ALPK1: variants seen among roughly 807,000 people sequenced by gnomAD.
ALPK1 encodes alpha kinase 1.
Under a neutral mutation model 120.6 loss-of-function variants are expected in ALPK1, and 110 were observed. That is an observed-to-expected ratio of 0.91 (90% CI 0.78 to 1.07). The LOEUF is 1.07. ALPK1 is among the 50% of genes least tolerant of loss of function. ALPK1 has a pLI of 0.00. For missense variants in ALPK1, 1,498 were observed against 1,483.9 expected, an observed-to-expected ratio of 1.01 and a Z score of -0.16; for synonymous variants, 582 against 560.3, an observed-to-expected ratio of 1.04 and a Z score of -0.55.
intron 3 of ALPK1, 33 bp from the exon 4 acceptor site, chr4:112,382,365 G>T: frequency 6.4e-7 from 1 of 1,565,876 alleles, no homozygotes; most frequent in East Asian, 2.4e-5. Flanking sequence ...TTCTTTGACT[G>T]CAATTTCCTT....
At chr4:112,328,002 A>G (rs942550756) in intron 2 of ALPK1, among the ~76,000 whole-genome samples, 3 of 152,228 alleles carry the variant, frequency 2.0e-5, no homozygotes, top group African/African-American at 4.8e-5. Context: ...GAATTCTCAT[A>G]TACAATCTTC....
chr4:112,383,371 G>A (rs1298566056), intron 4 of ALPK1: 1 of 151,610 alleles, frequency 6.6e-6, no homozygotes, highest in Admixed American at 6.6e-5. Flanking sequence ...TTACTTTATT[G>A]CTTTACGTAA....
intron 2 of ALPK1, among the ~76,000 whole-genome samples, chr4:112,374,050 CAT>C (rs1410833213): frequency 3.9e-5 from 6 of 152,210 alleles, no homozygotes; most frequent in Non-Finnish European, 8.8e-5. Context: ...AAGTTTGCTA[CAT>C]GGATTGAGTC....
At chr4:112,370,597 T>C (rs1318201045) in intron 2 of ALPK1, among the ~76,000 whole-genome samples, 1 of 152,204 alleles carries the variant, frequency 6.6e-6, no homozygotes, top group Non-Finnish European at 1.5e-5. Context: ...TTGACCAAAA[T>C]TTCCAGCAGG....
intron 4 of ALPK1, among the ~76,000 whole-genome samples, chr4:112,401,109 G>A (rs138746526): frequency 1.3e-5 from 2 of 152,292 alleles, no homozygotes; most frequent in African/African-American, 4.8e-5. Context: ...TGGGCGTCTG[G>A]ACTTTTGAAA....
At chr4:112,300,538 G>A (rs983399642) in intron 1 of ALPK1, among the ~76,000 whole-genome samples, 1 of 151,972 alleles carries the variant, frequency 6.6e-6, no homozygotes, top group Non-Finnish European at 1.5e-5. Flanking sequence ...AAAGAAGAGA[G>A]GACGGAGTCT....
intron 1 of ALPK1, among the ~76,000 whole-genome samples, chr4:112,306,392 G>A (rs1406957991): frequency 2.0e-5 from 3 of 152,030 alleles, no homozygotes; most frequent in African/African-American, 7.3e-5. Flanking sequence ...ACTCTTTTTG[G>A]TTGGTAAGCT....
intron 4 of ALPK1, chr4:112,383,762 C>G (rs1732026117): frequency 6.6e-6 from 1 of 152,096 alleles, no homozygotes; most frequent in Admixed American, 6.5e-5. Flanking sequence ...AAAGGAGTTG[C>G]CCCCAGTAAA....
chr4:112,368,014 G>A (rs1225295625), intron 2 of ALPK1, among the ~76,000 whole-genome samples: 1 of 152,088 alleles, frequency 6.6e-6, no homozygotes, highest in Non-Finnish European at 1.5e-5. Flanking sequence ...TGATTCTCCT[G>A]CCTCAGCCTC....
chr4:112,373,953 T>G (rs1183991684), intron 2 of ALPK1, among the ~76,000 whole-genome samples: 1 of 152,210 alleles, frequency 6.6e-6, no homozygotes, highest in Non-Finnish European at 1.5e-5. Context: ...GGGTCTTGCT[T>G]CAATGTTGAT....
At chr4:112,385,070 C>T (rs765403553) in intron 4 of ALPK1, among the ~76,000 whole-genome samples, 2 of 152,124 alleles carry the variant, frequency 1.3e-5, no homozygotes, top group South Asian at 4.2e-4. Context: ...TGAACATAGG[C>T]TGAGTGATGT....
At chr4:112,434,546 G>A (rs184702370) in intron 11 of ALPK1, among the ~76,000 whole-genome samples, 1 of 152,184 alleles carries the variant, frequency 6.6e-6, no homozygotes, top group Non-Finnish European at 1.5e-5. Flanking sequence ...GCTTAGCACT[G>A]TTCTTCCTTT....
chr4:112,430,591 A>C lies in ALPK1; in HGVS notation c.1044A>C (p.Lys348Asn), dbSNP rs754047334. ...GAGATGATGAGCCTGTTACTGGAAAACAGGAGCTTCACAGCTTTGTCAAAG... is the reference window on the plus strand; with the variant it reads ...GAGATGATGAGCCTGTTACTGGAAACCAGGAGCTTCACAGCTTTGTCAAAG... ...TKRDDEPVTG[K>N]QELHSFVKAA... Residue 348 changes from lysine to asparagine, a missense_variant, in exon 11 of 16, where the codon AAA becomes AAC. By Grantham distance (94) the Lys-to-Asn change is moderately conservative. Transcript: ENST00000650871. The C allele has an allele frequency of 2.2e-5, 35 of 1,614,026 alleles. No individual in the cohort carries two copies. The highest frequency in any genetic ancestry group is 3.0e-5 in the Non-Finnish European group (35 of 1,180,034).
intron 7 of ALPK1, chr4:112,426,010 T>G (rs780592514): frequency 3.8e-5 from 12 of 318,076 alleles, no homozygotes; most frequent in South Asian, 1.7e-4. Context: ...CCCAGTGTTA[T>G]TTCTAGCATC....
Position 112,435,247 on chromosome 4 carries a change from G to A in ALPK1, c.3134G>A (p.Arg1045Lys). 1 of 1,613,600 alleles carries A rather than the reference G, an allele frequency of 6.2e-7. No homozygotes were observed. The highest frequency in any genetic ancestry group is 8.5e-7 in the Non-Finnish European group (1 of 1,179,866). The part of the protein sequence containing the change: ...GDYLTVKKKG[R>K]QRNAFWVHHL... ...TACTTGACTGTGAAGAAAAAAGGCA[G>A]ACAAAGAAATGCTTTTTGGGTTCAT... Residue 1045 changes from arginine to lysine, a missense_variant, in exon 12 of 16, where the codon AGA becomes AAA. Transcript: ENST00000650871.
rs776832095 is a variant in ALPK1 at position 112,430,797 on chromosome 4, A to T, written c.1250A>T (p.Glu417Val). Residue 417 changes from glutamate to valine, a missense_variant, in exon 11 of 16, where the codon GAA becomes GTA. Glu to Val is a moderately radical substitution (Grantham distance 121, BLOSUM62 -2). Transcript: ENST00000650871. ...EVMSVIAQVK[E>V]HLQVQSFSNV... ...ATGTCTGTGATTGCCCAGGTGAAGG[A>T]ACATTTACAAGTTCAAAGCTTCTCA... 3.2e-5 allele frequency: 52 copies of T among 1,614,130 alleles called. No homozygotes were observed. In the Admixed American group the frequency reaches 6.7e-4, roughly 21 times the overall value.
At chr4:112,297,991 G>T (rs1201376459) in intron 1 of ALPK1, among the ~76,000 whole-genome samples, 1 of 152,102 alleles carries the variant, frequency 6.6e-6, no homozygotes, top group African/African-American at 2.4e-5. Context: ...TGAATTGACG[G>T]GAATTCTGAG....
intron 5 of ALPK1, among the ~76,000 whole-genome samples, chr4:112,416,875 C>CA (rs56919059): frequency 0.25 from 26,010 of 106,010 alleles, 2,913 homozygotes; most frequent in Non-Finnish European, 0.31. Context: ...GACCCTGTCT[C>CA]AAAAAAAAAA....
rs1224246428 is a variant in ALPK1, at chr4:112,426,501, C to T, written c.657C>T (p.Ala219=). 1 of 1,600,066 alleles carries T rather than the reference C, an allele frequency of 6.2e-7. No homozygotes were observed. The highest frequency in any genetic ancestry group is 1.4e-5 in the African/African-American group (1 of 73,742). The change falls in exon 8 of 16, where the codon GCC becomes GCT. Residue 219 remains alanine, a synonymous_variant. Transcript: ENST00000650871. ...MWYEAAELIW[A]SIVGYLALPQ... Reference sequence around the variant, plus strand: ...ACGAAGCAGCAGAGTTAATATGGGCCTCCATTGTAGGATATTTGGCACTTC... The same window carrying T: ...ACGAAGCAGCAGAGTTAATATGGGCTTCCATTGTAGGATATTTGGCACTTC...
Sources: allele counts gnomAD v4.1 joint callset (sites outside exome capture counted in the v4.1 genomes callset), GRCh38; gene constraint gnomAD v4.1.1; transcripts MANE v1.5; gene names NCBI Gene and HGNC (gene_info 2026-07-23, HGNC 2026-07-21).